The following PCNX2 variants were observed in gnomAD, a reference collection of about 807,000 sequenced individuals.
The protein encoded by PCNX2 is pecanex-like protein 2.
Under a neutral mutation model 223.8 loss-of-function variants are expected in PCNX2, and 168 were observed. The ratio of observed to expected loss-of-function variants is 0.75; its 90% CI spans 0.66 to 0.85. The LOEUF (loss-of-function observed/expected upper bound fraction) is 0.85, where lower values mean the gene tolerates loss of function less well. PCNX2 is among the 40% of genes least tolerant of loss of function. The probability of loss-of-function intolerance (pLI) is 0.00; values close to 1 mark genes in which losing one functional copy is unlikely to be tolerated. For synonymous variants in PCNX2, 1,006 were observed against 1,052.6 expected, an observed-to-expected ratio of 0.96 and a Z score of 0.86; for missense variants, 2,507 against 2,675.5, an observed-to-expected ratio of 0.94 and a Z score of 1.39.
At chr1:233,165,008 C>T (rs1228687550) in intron 17 of PCNX2, among the ~76,000 whole-genome samples, 1 of 152,066 alleles carries the variant, frequency 6.6e-6, no homozygotes, top group East Asian at 1.9e-4. Flanking sequence ...TTCAAAATAA[C>T]TAGAAGAGAG....
rs1678396225 is a variant in PCNX2 at position 233,160,371 on chromosome 1, C to G, written c.3429G>C (p.Val1143=). The G allele has an allele frequency of 1.2e-6, 2 of 1,613,136 alleles. No homozygotes were observed. Among genetic ancestry groups the G allele is most frequent in the Non-Finnish European group, 1.7e-6 (2 of 1,179,404 alleles). ...AGAVGFVTHY[V]LPQLRKHHPW... is the part of the protein sequence containing the mutation. ...GATGATGCTTGCGGAGCTGAGGGAG[C>G]ACGTAATGTGTTACAAACCCCACGG... The change falls in exon 19 of 34, where the codon GTG becomes GTC. Residue 1143 remains valine, a synonymous_variant. Transcript: ENST00000258229.
At chr1:233,019,732 A>G (rs1670810087) in intron 26 of PCNX2, among the ~76,000 whole-genome samples, 1 of 150,344 alleles carries the variant, frequency 6.7e-6, no homozygotes, top group South Asian at 2.1e-4. Flanking sequence ...GGATGGCATT[A>G]GGGGACAGGA....
chr1:233,096,272 A>G (rs1442198135), intron 21 of PCNX2, among the ~76,000 whole-genome samples: 7 of 152,168 alleles, frequency 4.6e-5, no homozygotes, highest in Non-Finnish European at 1.0e-4. Context: ...AGCTGCTCCT[A>G]CTGGAGAAAA....
At chr1:233,200,350 C>CAA in intron 13 of PCNX2, 86 bp from the exon 14 acceptor site, 1 of 793,854 alleles carries the variant, frequency 1.3e-6, no homozygotes, top group South Asian at 1.9e-5. Flanking sequence ...TCTCCCCTTC[C>CAA]AAACCACCCC....
chr1:233,048,090 A>T (rs1490526409), intron 25 of PCNX2, among the ~76,000 whole-genome samples: 7 of 152,192 alleles, frequency 4.6e-5, no homozygotes, highest in Non-Finnish European at 8.8e-5. Flanking sequence ...TAGAAATTAA[A>T]CAACTTGTTC....
intron 21 of PCNX2, among the ~76,000 whole-genome samples, chr1:233,130,867 G>A (rs75371688): frequency 0.036 from 5,506 of 151,902 alleles, 121 homozygotes; most frequent in African/African-American, 0.071. Flanking sequence ...GGGAGTGGGG[G>A]ATTTGGGGGC....
chr1:232,984,225 G>C lies in PCNX2; in HGVS notation c.*79C>G, dbSNP rs2102769419. On this transcript the variant is annotated 3_prime_UTR_variant, in exon 34 of 34. Transcript: ENST00000258229. Reference sequence around the variant, plus strand: ...TGGATCGCGGTATTGGTTGGTTGTGGTGATTTGGGGAGCACGAGGGAGAGC... The same window carrying C: ...TGGATCGCGGTATTGGTTGGTTGTGCTGATTTGGGGAGCACGAGGGAGAGC... 3 of 1,339,012 alleles carry C rather than the reference G, an allele frequency of 2.2e-6. No individual in the cohort carries two copies. The South Asian group carries it at 4.6e-5, about 20-fold the overall frequency. The allele number at this position is 1,339,012 out of a possible 1,614,324, so 82.9% of individuals were successfully genotyped here.
intron 25 of PCNX2, among the ~76,000 whole-genome samples, chr1:233,050,966 C>T (rs1671983938): frequency 6.6e-6 from 1 of 151,798 alleles, no homozygotes; most frequent in Non-Finnish European, 1.5e-5. Context: ...GGGAATTAAA[C>T]AATCAAACAA....
At chr1:233,122,225 T>C (rs531067843) in intron 21 of PCNX2, among the ~76,000 whole-genome samples, 2 of 152,118 alleles carry the variant, frequency 1.3e-5, no homozygotes, top group East Asian at 3.9e-4. Context: ...AAATAAATAA[T>C]AGATTATAAC....
intron 21 of PCNX2, among the ~76,000 whole-genome samples, chr1:233,115,699 T>C (rs895930516): frequency 3.3e-5 from 5 of 152,138 alleles, no homozygotes; most frequent in African/African-American, 1.2e-4. Flanking sequence ...ACAGGAGATG[T>C]ATGAGAGTTC....
intron 32 of PCNX2, among the ~76,000 whole-genome samples, chr1:232,994,444 A>G (rs1669807543): frequency 6.6e-6 from 1 of 152,212 alleles, no homozygotes; most frequent in African/African-American, 2.4e-5. Context: ...CCCCCATTGT[A>G]TCTTTGAAGT....
intron 15 of PCNX2, among the ~76,000 whole-genome samples, chr1:233,179,462 A>G (rs555299776): frequency 6.6e-6 from 1 of 152,348 alleles, no homozygotes; most frequent in South Asian, 2.1e-4. Context: ...AGAATGTAAT[A>G]TTAAACATGT....
chr1:233,196,573 A>G (rs993045201), intron 15 of PCNX2, among the ~76,000 whole-genome samples: 23 of 152,174 alleles, frequency 1.5e-4, no homozygotes, highest in African/African-American at 5.3e-4. Context: ...TTTTTCATCA[A>G]TGAAGTTATA....
intron 17 of PCNX2, among the ~76,000 whole-genome samples, chr1:233,173,987 T>G (rs2102849098): frequency 6.7e-6 from 1 of 149,690 alleles, no homozygotes; most frequent in African/African-American, 2.4e-5. Flanking sequence ...CATTTTTTTC[T>G]TTTTCTCTTT....
chr1:233,221,373 A>T lies in PCNX2; in HGVS notation c.2505-3189T>A, dbSNP rs368813091. Among the ~76,000 whole-genome samples the T allele has an allele frequency of 7.1e-3, 1,083 of 152,210 alleles. 16 individuals are homozygous for T. Among genetic ancestry groups the T allele is most frequent in the African/African-American group, 0.025 (1,028 of 41,512 alleles). On this transcript the variant is annotated intron_variant, in intron 10 of 33. Transcript: ENST00000258229. ...AAAAATATCCAAAGGTCTTTGAAAT[A>T]AAATTTCAAAGAAAAAAAAAACCTT...
chr1:233,208,732 A>G, intron 12 of PCNX2, 43 bp from the exon 13 acceptor site: 1 of 1,500,088 alleles, frequency 6.7e-7, no homozygotes, highest in Non-Finnish European at 9.0e-7. Context: ...TCTTATTTTG[A>G]TTAAATGAAA....
intron 8 of PCNX2, among the ~76,000 whole-genome samples, chr1:233,248,601 T>C (rs1246465246): frequency 6.6e-6 from 1 of 152,094 alleles, no homozygotes; most frequent in Non-Finnish European, 1.5e-5. Context: ...CCTCTTTATC[T>C]AGACACTCCT....
intron 9 of PCNX2, among the ~76,000 whole-genome samples, chr1:233,229,965 G>A (rs1317166172): frequency 6.6e-6 from 1 of 152,036 alleles, no homozygotes; most frequent in African/African-American, 2.4e-5. Context: ...CTATTTTCTG[G>A]TACCAAATTC....
chr1:233,295,426 G>A lies in PCNX2; in HGVS notation c.53C>T (p.Thr18Ile), dbSNP rs1311876460. Residue 18 changes from threonine (T) to isoleucine (I), a missense_variant, in exon 1 of 34, where the codon ACC (threonine) becomes ATC (isoleucine). Transcript: ENST00000258229. The surrounding 1 kb of genome is among the most constrained non-coding windows in gnomAD (Gnocchi z 4.1). The stretch of plus-strand genomic sequence containing the variant: ...CTCCGGGTCGTGGTACCAGCCCCCG[G>A]TGAGCGCGGCCCACACGCCCTGCCG... ...LLRQGVWAAL[T>I]GGWYHDPEQS... 3 of 1,551,920 alleles carry A rather than the reference G, an allele frequency of 1.9e-6. No individual in the cohort carries two copies. The highest frequency in any genetic ancestry group is 1.2e-5 in the South Asian group (1 of 84,074).
Sources: gnomAD v4.1 joint callset for allele counts (sites outside exome capture counted in the v4.1 genomes callset) on GRCh38, gnomAD v4.1.1 for gene constraint, Gnocchi (gnomAD v3.1) non-coding constraint, MANE v1.5 for transcripts, NCBI Gene and HGNC (gene_info 2026-07-23, HGNC 2026-07-21) for gene names.